CCSER1: variants seen among roughly 807,000 people sequenced by gnomAD.
CCSER1 encodes the protein serine-rich coiled-coil domain-containing protein 1.
A neutral mutation model predicts 82.0 loss-of-function variants in CCSER1; 41 were observed. The ratio of observed to expected loss-of-function variants is 0.50; its 90% confidence interval spans 0.39 to 0.65. The LOEUF (loss-of-function observed/expected upper bound fraction) is 0.65. Ranked by LOEUF, CCSER1 falls within the 30% of genes least tolerant of loss-of-function variation. The probability of loss-of-function intolerance (pLI) is 0.00; values close to 1 mark genes in which losing one functional copy is unlikely to be tolerated. For synonymous variants in CCSER1, 414 were observed against 383.9 expected (o/e 1.08, Z -0.92); for missense variants, 1,119 against 1,064.2 (o/e 1.05, Z -0.72).
chr4:91,265,095 T>C (rs1032395369), intron 10 of CCSER1, among the ~76,000 whole-genome samples: 1 of 152,040 alleles, frequency 6.6e-6, no homozygotes, highest in African/African-American at 2.4e-5. Context: ...TTTCCTTAGA[T>C]ATCTCACTAG....
At chr4:91,098,512 C>T (rs1187358049) in intron 10 of CCSER1, among the ~76,000 whole-genome samples, 13 of 151,770 alleles carry the variant, frequency 8.6e-5, no homozygotes, top group Non-Finnish European at 1.8e-4. Context: ...CAAAGTCACT[C>T]TTTTCTCTTG....
chr4:90,460,682 G>A (rs558049932), intron 4 of CCSER1, among the ~76,000 whole-genome samples: 6 of 152,174 alleles, frequency 3.9e-5, no homozygotes, highest in African/African-American at 1.4e-4. Flanking sequence ...TAATATGGTT[G>A]TATAGAATAC....
intron 10 of CCSER1, among the ~76,000 whole-genome samples, chr4:91,412,458 G>T (rs1001925223): frequency 9.9e-5 from 15 of 151,996 alleles, no homozygotes; most frequent in African/African-American, 3.6e-4. Flanking sequence ...ACACACATCT[G>T]TGAAATTGGT....
At chr4:91,165,588 G>T (rs59193640) in intron 10 of CCSER1, among the ~76,000 whole-genome samples, 2,982 of 152,318 alleles carry the variant, frequency 0.02, 84 homozygotes, top group African/African-American at 0.066. Context: ...GCTCCATCCA[G>T]TGTGAGCTTC....
chr4:90,369,180 G>T (rs907845921), intron 3 of CCSER1, among the ~76,000 whole-genome samples: 4 of 131,798 alleles, frequency 3.0e-5, no homozygotes, highest in Non-Finnish European at 4.9e-5. Flanking sequence ...AAAAGGAGAA[G>T]GACAAAGATT....
At chr4:91,413,016 A>G (rs2149374307) in intron 10 of CCSER1, among the ~76,000 whole-genome samples, 1 of 152,274 alleles carries the variant, frequency 6.6e-6, no homozygotes, top group African/African-American at 2.4e-5. Context: ...AAGGAGTTTA[A>G]TAAAGAATTA....
At chr4:91,186,180 T>C (rs1163158813) in intron 10 of CCSER1, among the ~76,000 whole-genome samples, 3 of 152,170 alleles carry the variant, frequency 2.0e-5, no homozygotes, top group Non-Finnish European at 4.4e-5. Context: ...AGGGTCTTTT[T>C]CTTCAAAATA....
At chr4:90,167,570 C>A (rs1388804544) in intron 1 of CCSER1, among the ~76,000 whole-genome samples, 1 of 152,106 alleles carries the variant, frequency 6.6e-6, no homozygotes, top group Admixed American at 6.6e-5. Flanking sequence ...GTGCGCCGCA[C>A]CCAGTAACTC....
At chr4:90,606,565 C>G (rs1469056229) in intron 5 of CCSER1, among the ~76,000 whole-genome samples, 1 of 152,130 alleles carries the variant, frequency 6.6e-6, no homozygotes, top group Non-Finnish European at 1.5e-5. Flanking sequence ...TCATATGTCA[C>G]TTTTTCATTG....
chr4:91,221,111 T>C (rs546728024), intron 10 of CCSER1, among the ~76,000 whole-genome samples: 44 of 152,250 alleles, frequency 2.9e-4, no homozygotes, highest in Non-Finnish European at 4.3e-4. Flanking sequence ...GATGGCCTCA[T>C]GTTATTTTAC....
chr4:90,822,643 G>C (rs535983297), intron 8 of CCSER1, among the ~76,000 whole-genome samples: 2 of 148,984 alleles, frequency 1.3e-5, no homozygotes, highest in South Asian at 2.1e-4. Context: ...CAGGAGAATC[G>C]TTTGAACCTG....
chr4:90,516,703 G>A (rs753159668), intron 5 of CCSER1, among the ~76,000 whole-genome samples: 7 of 152,168 alleles, frequency 4.6e-5, no homozygotes, highest in Non-Finnish European at 8.8e-5. Context: ...CTCCCGGGAC[G>A]GAGTGTAGAG....
At chr4:90,508,740 G>A (rs564669183) in intron 5 of CCSER1, among the ~76,000 whole-genome samples, 4 of 151,978 alleles carry the variant, frequency 2.6e-5, no homozygotes, top group Non-Finnish European at 4.4e-5. Flanking sequence ...ACTGGTAACC[G>A]GGTGATCTAG....
At chr4:90,493,568 C>G (rs1185667179) in intron 5 of CCSER1, among the ~76,000 whole-genome samples, 2 of 152,086 alleles carry the variant, frequency 1.3e-5, no homozygotes, top group Non-Finnish European at 2.9e-5. Context: ...TGATCTCTTG[C>G]TAGAAACTCT....
intron 1 of CCSER1, among the ~76,000 whole-genome samples, chr4:90,145,270 A>G (rs1725584500): frequency 6.6e-6 from 1 of 152,180 alleles, no homozygotes; most frequent in Non-Finnish European, 1.5e-5. Context: ...TTTTTTATGC[A>G]TAAGGTAACT....
intron 5 of CCSER1, among the ~76,000 whole-genome samples, chr4:90,625,265 C>G (rs976417211): frequency 2.0e-5 from 3 of 152,106 alleles, no homozygotes; most frequent in Non-Finnish European, 1.5e-5. Flanking sequence ...TTGTCAACCA[C>G]AAGGATAATT....
At chr4:91,183,813 T>A (rs1317401135) in intron 10 of CCSER1, among the ~76,000 whole-genome samples, 1 of 152,190 alleles carries the variant, frequency 6.6e-6, no homozygotes, top group African/African-American at 2.4e-5. Flanking sequence ...TAACTTGACC[T>A]CAGCCTCCTT....
chr4:90,790,708 T>C (rs1012881626), intron 7 of CCSER1, among the ~76,000 whole-genome samples: 1 of 152,208 alleles, frequency 6.6e-6, no homozygotes, highest in Admixed American at 6.6e-5. Flanking sequence ...TCCAGATCAC[T>C]ATCAGCATTT....
intron 10 of CCSER1, among the ~76,000 whole-genome samples, chr4:91,363,789 T>C (rs1004088827): frequency 6.6e-6 from 1 of 151,834 alleles, no homozygotes; most frequent in Non-Finnish European, 1.5e-5. Context: ...TATTTATTTC[T>C]GTATCAGGAG....
Sources: gnomAD v4.1 joint callset for allele counts (sites outside exome capture counted in the v4.1 genomes callset) on GRCh38, gnomAD v4.1.1 for gene constraint, MANE v1.5 for transcripts, NCBI Gene and HGNC (gene_info 2026-07-23, HGNC 2026-07-21) for gene names.